DLG2: variants seen among roughly 807,000 people sequenced by gnomAD.
DLG2 encodes the protein disks large homolog 2.
DLG2 carries 45 observed loss-of-function variants against 132.5 expected under a neutral mutation model. The observed-to-expected ratio is 0.34, with a 90% CI of 0.27 to 0.44. The LOEUF is 0.44. Ranked by LOEUF, DLG2 falls within the 20% of genes least tolerant of loss-of-function variation. The probability of loss-of-function intolerance (pLI) is 1.00; values close to 1 mark genes in which losing one functional copy is unlikely to be tolerated. For missense variants in DLG2, 1,045 were observed against 1,196.9 expected, an observed-to-expected ratio of 0.87 and a Z score of 1.87; for synonymous variants, 424 against 419.6, an observed-to-expected ratio of 1.01 and a Z score of -0.13.
At chr11:84,570,593 T>C (rs1293032480) in intron 6 of DLG2, among the ~76,000 whole-genome samples, 1 of 152,130 alleles carries the variant, frequency 6.6e-6, no homozygotes, top group East Asian at 1.9e-4. Flanking sequence ...ATACTTGGAA[T>C]CATGTACCAT....
intron 6 of DLG2, among the ~76,000 whole-genome samples, chr11:85,077,993 A>G (rs1207075671): frequency 6.6e-6 from 1 of 151,960 alleles, no homozygotes; most frequent in African/African-American, 2.4e-5. Context: ...AATATATGGA[A>G]TATTATTTTA....
chr11:84,835,217 T>C (rs894957357), intron 6 of DLG2, among the ~76,000 whole-genome samples: 1 of 151,658 alleles, frequency 6.6e-6, no homozygotes, highest in Non-Finnish European at 1.5e-5. Flanking sequence ...AGGGATACTT[T>C]TGTTTTGAAA....
chr11:83,997,730 CAAAAAAAAAAAAAAAAAAAA>C (rs71066079), intron 11 of DLG2, among the ~76,000 whole-genome samples: 8 of 24,774 alleles, frequency 3.2e-4, no homozygotes, highest in East Asian at 1.9e-3. Flanking sequence ...GACTCCATCT[CAAAAAAAAAAAAAAAAAAAA>C]AAAAAAAAAA....
chr11:84,365,430 C>T (rs542959943), intron 7 of DLG2, among the ~76,000 whole-genome samples: 1 of 151,982 alleles, frequency 6.6e-6, no homozygotes, highest in Non-Finnish European at 1.5e-5. Context: ...TGCTAGCGGT[C>T]TATCAATTTT....
intron 7 of DLG2, among the ~76,000 whole-genome samples, chr11:84,284,886 G>A (rs1456732714): frequency 6.6e-6 from 1 of 152,118 alleles, no homozygotes; most frequent in African/African-American, 2.4e-5. Flanking sequence ...TGCATTGCCT[G>A]GCATATAACA....
rs555861770 is a variant in DLG2, at chr11:84,938,947, C to T, written c.357+172714G>A. Among the ~76,000 whole-genome samples, 3 of 152,250 alleles carry T rather than the reference C, an allele frequency of 2.0e-5. 1 individual carries two copies. The highest frequency in any genetic ancestry group is 4.8e-5 in the African/African-American group (2 of 41,560). On this transcript the variant is annotated intron_variant, in intron 6 of 27. Transcript: ENST00000376104. ...AGTACTCCCAAAATAAAATTAAGCACATTCAAAATTATAGTTGGATGGAAA... is the reference window on the plus strand; with the variant it reads ...AGTACTCCCAAAATAAAATTAAGCATATTCAAAATTATAGTTGGATGGAAA...
chr11:85,090,209 C>CA (rs922056315), intron 6 of DLG2, among the ~76,000 whole-genome samples: 13 of 152,138 alleles, frequency 8.5e-5, no homozygotes, highest in Admixed American at 2.0e-4. Context: ...GGATTCAAAA[C>CA]AAAAAACAAA....
At chr11:84,922,809 C>T (rs543983526) in intron 6 of DLG2, among the ~76,000 whole-genome samples, 3 of 152,156 alleles carry the variant, frequency 2.0e-5, no homozygotes, top group African/African-American at 7.2e-5. Context: ...TAATTTTCAT[C>T]TTTTCTTCCC....
chr11:84,211,252 G>T (rs1412734837), intron 8 of DLG2, among the ~76,000 whole-genome samples: 8 of 152,020 alleles, frequency 5.3e-5, no homozygotes, highest in Non-Finnish European at 1.2e-4. Flanking sequence ...CCTCTCTTAT[G>T]GCATTCCTAT....
intron 4 of DLG2, among the ~76,000 whole-genome samples, chr11:85,192,368 A>T (rs2080659410): frequency 1.3e-5 from 2 of 152,236 alleles, no homozygotes; most frequent in Admixed American, 1.3e-4. Context: ...CATCCAAGGA[A>T]TTCTGATGGG....
At chr11:84,979,963 G>T (rs1293357877) in intron 6 of DLG2, among the ~76,000 whole-genome samples, 1 of 152,038 alleles carries the variant, frequency 6.6e-6, no homozygotes, top group Non-Finnish European at 1.5e-5. Context: ...TTGGCATACA[G>T]ACATGCTTTA....
chr11:83,715,620 C>T (rs1187753930), intron 18 of DLG2, among the ~76,000 whole-genome samples: 3 of 152,180 alleles, frequency 2.0e-5, no homozygotes, highest in Non-Finnish European at 4.4e-5. Flanking sequence ...CCCTTTCCTG[C>T]TTAAAACCAC....
intron 5 of DLG2, among the ~76,000 whole-genome samples, chr11:85,127,261 T>C (rs2075236689): frequency 9.6e-6 from 1 of 103,744 alleles, no homozygotes; most frequent in Admixed American, 1.4e-4. Context: ...CCACTCTCTC[T>C]TTCTATCTCT....
intron 6 of DLG2, among the ~76,000 whole-genome samples, chr11:85,083,501 G>T (rs2067507127): frequency 6.6e-6 from 1 of 152,144 alleles, no homozygotes; most frequent in Admixed American, 6.5e-5. Flanking sequence ...CTGAGAACAT[G>T]TGCCCAAGGT....
intron 17 of DLG2, among the ~76,000 whole-genome samples, chr11:83,803,492 T>A (rs534314079): frequency 3.0e-4 from 45 of 152,276 alleles, no homozygotes; most frequent in Admixed American, 2.7e-3. Context: ...ATTTTTCACA[T>A]AAATGCCCTA....
intron 18 of DLG2, among the ~76,000 whole-genome samples, chr11:83,724,317 G>A (rs146270006): frequency 1.3e-3 from 201 of 152,208 alleles, no homozygotes; most frequent in African/African-American, 4.6e-3. Flanking sequence ...AGGCTCTCCC[G>A]AAGCACGCTC....
intron 15 of DLG2, among the ~76,000 whole-genome samples, chr11:83,894,809 C>T (rs1266195885): frequency 6.6e-6 from 1 of 152,180 alleles, no homozygotes; most frequent in East Asian, 1.9e-4. Flanking sequence ...CCCTTCTCTT[C>T]CCAGCCTCTG....
At chr11:84,229,015 G>T (rs2097051522) in intron 8 of DLG2, among the ~76,000 whole-genome samples, 1 of 152,090 alleles carries the variant, frequency 6.6e-6, no homozygotes, top group Non-Finnish European at 1.5e-5. Context: ...AAAACCACTT[G>T]GCACAGTTCC....
chr11:83,874,235 C>A, intron 16 of DLG2, among the ~76,000 whole-genome samples, 185 bp downstream of exon 16: 2 of 28,160 alleles, frequency 7.1e-5, no homozygotes, highest in South Asian at 2.1e-3. Context: ...GAAAGAAAGA[C>A]AAAGAAAGAA....
Sources: gnomAD v4.1 joint callset for allele counts (sites outside exome capture counted in the v4.1 genomes callset) on GRCh38, gnomAD v4.1.1 for gene constraint, MANE v1.5 for transcripts, NCBI Gene and HGNC (gene_info 2026-07-23, HGNC 2026-07-21) for gene names.